BDP1: variants seen among roughly 807,000 people sequenced by gnomAD.
BDP1 encodes BDP1 general transcription factor IIIB subunit, also known as transcription factor TFIIIB component B'' homolog.
A neutral mutation model predicts 266.6 loss-of-function variants in BDP1; 169 were observed. The observed-to-expected ratio is 0.63, with a 90% CI of 0.56 to 0.72. The LOEUF (loss-of-function observed/expected upper bound fraction) is 0.72, where lower values mean the gene tolerates loss of function less well. BDP1 is among the 30% of genes least tolerant of loss of function. The probability of loss-of-function intolerance (pLI) is 0.00; values close to 1 mark genes in which losing one functional copy is unlikely to be tolerated. For synonymous variants in BDP1, 1,090 were observed against 1,022.4 expected, an observed-to-expected ratio of 1.07 and a Z score of -1.26; for missense variants, 3,015 against 3,053.8, an observed-to-expected ratio of 0.99 and a Z score of 0.30.
At chr5:71,491,629 A>ATAAC (rs1165814391) in intron 11 of BDP1, among the ~76,000 whole-genome samples, 1 of 152,112 alleles carries the variant, frequency 6.6e-6, no homozygotes, top group Non-Finnish European at 1.5e-5. Flanking sequence ...TTTACCTTGC[A>ATAAC]TAACTGCACC....
rs1170078162 is a variant in BDP1, at chr5:71,455,761, G to C, written c.-117G>C. 1.2e-6 allele frequency: 1 copy of C among 846,410 alleles called. No homozygotes were observed. The allele number at this position is 846,410 out of a possible 1,614,324, so 52.4% of individuals were successfully genotyped here. A position where few individuals can be genotyped will look rare whatever the true frequency, so the allele number is the denominator to read the frequency against. Reference sequence around the variant, plus strand: ...TGAAACTACGGTAGCTGCCCCCTGAGCTGGTGGTGTGGCTTTGTGGGGAGG... The same window carrying C: ...TGAAACTACGGTAGCTGCCCCCTGACCTGGTGGTGTGGCTTTGTGGGGAGG... On this transcript the variant is annotated 5_prime_UTR_variant, in exon 1 of 39. Transcript: ENST00000358731.
At chr5:71,477,624 C>CTTTTTTTTTTT (rs763593620) in intron 7 of BDP1, among the ~76,000 whole-genome samples, 4 of 143,342 alleles carry the variant, frequency 2.8e-5, no homozygotes, top group East Asian at 2.0e-4. Flanking sequence ...CAAATTTTTT[C>CTTTTTTTTTTT]TTTTTTTTTT....
At chr5:71,502,814 A>C (rs1360422698) in intron 15 of BDP1, 23 bp downstream of exon 15, 2 of 1,592,258 alleles carry the variant, frequency 1.3e-6, no homozygotes. Context: ...ATTCCTCCTC[A>C]CATTTTTGGT....
In BDP1 at chr5:71,497,320, A is replaced by G. The variant is rs752237453; in HGVS notation, c.1850A>G (p.Gln617Arg). The change falls in exon 13 of 39, where the codon CAA becomes CGA. Residue 617 changes from glutamine (Q) to arginine (R), a missense_variant. Physicochemically the swap from Gln to Arg is conservative, Grantham distance 43 (BLOSUM62 1). Coordinates refer to ENST00000358731, the MANE Select transcript of BDP1 (RefSeq NM_018429.3). ...AAACCAATGTTGAGAGGTCGCTTCC[A>G]AAGACCTAAACCCAATTTGTCAAGG... ...NVKPMLRGRF[Q>R]RPKPNLSRAG... 8 of 1,613,902 alleles carry G rather than the reference A, an allele frequency of 5.0e-6. No homozygotes were observed. Among genetic ancestry groups the G allele is most frequent in the Non-Finnish European group, 6.8e-6 (8 of 1,179,894 alleles).
At position 71,549,100 on chromosome 5, in the gene BDP1, C is replaced by T. The variant is rs144387988; in HGVS notation, c.6809-320C>T. 7.9e-3 allele frequency among the ~76,000 whole-genome samples: 1,209 copies of T among 152,214 alleles called. 5 individuals carry two copies. The highest frequency in any genetic ancestry group is 0.014 in the South Asian group (69 of 4,818). On this transcript the variant is annotated intron_variant, in intron 33 of 38. Transcript: ENST00000358731. The stretch of plus-strand genomic sequence containing the variant: ...CTAAAAATACAAAACTAGCCAGGCA[C>T]GGTGGCATGCACCTGTAATCCCATC...
At chr5:71,466,033 T>C (rs1241988073) in intron 4 of BDP1, 63 bp from the exon 5 acceptor site, 2 of 1,537,142 alleles carry the variant, frequency 1.3e-6, no homozygotes, top group Non-Finnish European at 1.8e-6. Flanking sequence ...TTATTTTAAG[T>C]TTTATACTAT....
chr5:71,486,997 G>A (rs1337768649), intron 9 of BDP1, among the ~76,000 whole-genome samples: 1 of 152,036 alleles, frequency 6.6e-6, no homozygotes, highest in Non-Finnish European at 1.5e-5. Context: ...TAATCTTCTG[G>A]GGTTGTGACT....
In BDP1 at chr5:71,491,121, C is replaced by G. The variant is rs749920655; in HGVS notation, c.1630C>G (p.Leu544Val). The change falls in exon 11 of 39, where the codon CTT becomes GTT. Residue 544 changes from leucine to valine, a missense_variant. Leu to Val is a conservative substitution (Grantham distance 32, BLOSUM62 1). This residue lies in a region of BDP1 where 2,383 missense variants were observed against 2,404.9 expected (regional missense o/e 0.99). Transcript: ENST00000358731. Reference protein sequence around the residue: ...EKVEKRTDPILSLSNQQDATS... With the variant: ...EKVEKRTDPIVSLSNQQDATS... ...AGTTGAGAAAAGAACTGACCCCATC[C>G]TTTCATTAAGGTATTTTCTGTGTCT... 1 of 1,613,614 alleles carries G rather than the reference C, an allele frequency of 6.2e-7. No individual in the cohort carries two copies. The highest frequency in any genetic ancestry group is 8.5e-7 in the Non-Finnish European group (1 of 1,179,766).
In BDP1 at chr5:71,553,181, A is replaced by G. The variant is rs753110945; in HGVS notation, c.7061A>G (p.Asn2354Ser). 1.2e-6 allele frequency: 2 copies of G among 1,613,334 alleles called. No individual in the cohort carries two copies. Among genetic ancestry groups the G allele is most frequent in the East Asian group, 4.5e-5 (2 of 44,834 alleles). ...AMGLSISGRD[N>S]SKKPPDNLDL... ...GGTTTATCTATTTCTGGAAGAGATA[A>G]TTCTAAAAAGCCGCCTGATAATTTG... The change falls in exon 35 of 39, where the codon AAT becomes AGT. Residue 2354 changes from asparagine to serine, a missense_variant. Around this residue, in one of 3 missense-constraint regions of BDP1, gnomAD observed 629 missense variants for 632.5 expected, o/e 0.99. Coordinates refer to ENST00000358731, the MANE Select transcript of BDP1 (RefSeq NM_018429.3).
At chr5:71,509,124 A>C (rs1289632666) in intron 16 of BDP1, among the ~76,000 whole-genome samples, 2 of 152,214 alleles carry the variant, frequency 1.3e-5, no homozygotes, top group African/African-American at 4.8e-5. Context: ...GCAGACATAC[A>C]TCAATCTAGC....
At chr5:71,458,943 A>G (rs945535440) in intron 2 of BDP1, 88 bp downstream of exon 2, 13 of 1,294,968 alleles carry the variant, frequency 1.0e-5, no homozygotes, top group Non-Finnish European at 1.4e-5. Flanking sequence ...TAGCATTTTG[A>G]TGGGGGAACA....
chr5:71,528,998 A>G (rs1766070884), intron 25 of BDP1, among the ~76,000 whole-genome samples: 1 of 152,224 alleles, frequency 6.6e-6, no homozygotes, highest in Admixed American at 6.5e-5. Context: ...TTTTAATAGC[A>G]TTAATCATAG....
In BDP1 at chr5:71,474,400, G is replaced by A. The variant is rs575021778; in HGVS notation, c.1014+3911G>A. ...TGCAATGGCATGATCTTGGCTGACT[G>A]CAAACTCCACCTCCCAGGCTCAAGC... On this transcript the variant is annotated intron_variant, in intron 7 of 38. Coordinates refer to ENST00000358731, the MANE Select transcript of BDP1 (RefSeq NM_018429.3). Among the ~76,000 whole-genome samples the A allele has an allele frequency of 7.9e-5, 12 of 151,392 alleles. No homozygotes were observed. In the South Asian group the frequency reaches 2.5e-3, roughly 32 times the overall value.
chr5:71,460,981 T>C (rs895937136), intron 2 of BDP1, among the ~76,000 whole-genome samples: 3 of 152,176 alleles, frequency 2.0e-5, no homozygotes, highest in African/African-American at 4.8e-5. Flanking sequence ...TTTTATTCTT[T>C]GGTTATTTAT....
At position 71,504,649 on chromosome 5, in the gene BDP1, G is replaced by A. The variant is rs201610494; in HGVS notation, c.2270G>A (p.Arg757His). 1.3e-4 allele frequency: 216 copies of A among 1,613,430 alleles called. 1 individual carries two copies. In the African/African-American group the frequency reaches 1.7e-3, roughly 12 times the overall value. The part of the protein sequence containing the change: ...DTPQHMEDQS[R>H]KDFEEEDVIL... ...CCTCAACACATGGAAGATCAATCGC[G>A]TAAAGATTTTGAAGAGGAAGATGTC... Residue 757 changes from arginine to histidine, a missense_variant, in exon 16 of 39, where the codon CGT (arginine) becomes CAT (histidine). Physicochemically the swap from Arg to His is conservative, Grantham distance 29. Coordinates refer to ENST00000358731, the MANE Select transcript of BDP1 (RefSeq NM_018429.3).
chr5:71,478,549 A>T (rs138686448), intron 7 of BDP1, among the ~76,000 whole-genome samples: 1 of 152,046 alleles, frequency 6.6e-6, no homozygotes, highest in African/African-American at 2.4e-5. Context: ...TCTTTTAAAG[A>T]TGTCATTGTA....
Position 71,516,149 on chromosome 5 carries a change from A to C in BDP1, c.4738A>C (p.Arg1580=), listed in dbSNP as rs771174425. 6.2e-7 allele frequency: 1 copy of C among 1,613,400 alleles called. No individual in the cohort carries two copies. The highest frequency in any genetic ancestry group is 1.1e-5 in the South Asian group (1 of 90,942). Residue 1580 remains arginine (R), a synonymous_variant, in exon 21 of 39, where the codon AGA becomes CGA. Transcript: ENST00000358731. Reference sequence around the variant, plus strand: ...AGTAAGGGGCCGACTTCAGAGACCGAGACCAAATATAAGAAAGACAGGACA... The same window carrying C: ...AGTAAGGGGCCGACTTCAGAGACCGCGACCAAATATAAGAAAGACAGGACA... The part of the protein sequence containing the change: ...RQVRGRLQRP[R]PNIRKTGQRQ...
At chr5:71,468,917 T>C (rs13165848) in intron 6 of BDP1, among the ~76,000 whole-genome samples, 67,626 of 152,016 alleles carry the variant, frequency 0.44, 15,422 homozygotes, top group South Asian at 0.55. Flanking sequence ...AACAATACAA[T>C]ATTTCTAATG....
chr5:71,553,069 A>C, intron 34 of BDP1, 47 bp from the exon 35 acceptor site: 1 of 1,455,138 alleles, frequency 6.9e-7, no homozygotes, highest in Non-Finnish European at 9.4e-7. Context: ...AAAAGTGTTA[A>C]ATAACTTCTA....
Sources: allele counts gnomAD v4.1 joint callset (sites outside exome capture counted in the v4.1 genomes callset), GRCh38; gene constraint gnomAD v4.1.1; regional missense constraint gnomAD v4.1.1; transcripts MANE v1.5; gene names NCBI Gene and HGNC (gene_info 2026-07-23, HGNC 2026-07-21).